The following RANBP2 variants were observed in gnomAD, a reference collection of about 807,000 sequenced individuals.
RANBP2 encodes RAN binding protein 2, also known as E3 SUMO-protein ligase RanBP2.
RANBP2 carries 57 observed loss-of-function variants against 303.6 expected under a neutral mutation model. The ratio of observed to expected loss-of-function variants is 0.19; its 90% CI spans 0.15 to 0.23. The LOEUF (loss-of-function observed/expected upper bound fraction) is 0.23. Ranked by LOEUF, RANBP2 falls within the 10% of genes least tolerant of loss-of-function variation. The pLI, the probability that RANBP2 is intolerant of heterozygous loss-of-function variation, is 1.00. For missense variants in RANBP2, 3,138 were observed against 3,780.8 expected, an observed-to-expected ratio of 0.83 and a Z score of 4.46; for synonymous variants, 1,167 against 1,301.5, an observed-to-expected ratio of 0.90 and a Z score of 2.23.
the RANBP2 span, among the ~76,000 whole-genome samples, chr2:109,137,328 G>A: frequency 6.6e-6 from 1 of 152,222 alleles, no homozygotes; most frequent in African/African-American, 2.4e-5. Context: ...GGGGAAAGAA[G>A]ATGATGAGGC....
chr2:109,593,882 C>T, the RANBP2 span, among the ~76,000 whole-genome samples: 1 of 152,150 alleles, frequency 6.6e-6, no homozygotes, highest in Non-Finnish European at 1.5e-5. Context: ...ATTTATAGAA[C>T]TCATATTACA....
the RANBP2 span, among the ~76,000 whole-genome samples, chr2:109,477,769 C>T: frequency 6.6e-6 from 1 of 152,188 alleles, no homozygotes; most frequent in African/African-American, 2.4e-5. Context: ...GGCGCCTTCT[C>T]ACCGTGTCCT....
At chr2:108,991,353 T>C in the RANBP2 span, among the ~76,000 whole-genome samples, 1 of 152,218 alleles carries the variant, frequency 6.6e-6, no homozygotes. Context: ...ATACATTTCC[T>C]AAGAGACTGA....
At chr2:109,514,503 T>C in the RANBP2 span, among the ~76,000 whole-genome samples, 1 of 152,166 alleles carries the variant, frequency 6.6e-6, no homozygotes, top group East Asian at 1.9e-4. Flanking sequence ...GGCACTTGGC[T>C]GTGTGTTGGA....
the RANBP2 span, among the ~76,000 whole-genome samples, chr2:108,924,297 C>T: frequency 5.3e-5 from 8 of 152,332 alleles, no homozygotes; most frequent in South Asian, 2.1e-4. Flanking sequence ...GCAGCCGTCC[C>T]GCTCCCAGGC....
intron 2 of RANBP2, among the ~76,000 whole-genome samples, chr2:108,730,501 AT>A (rs1356013946): frequency 6.6e-6 from 1 of 152,164 alleles, no homozygotes; most frequent in Non-Finnish European, 1.5e-5. Context: ...AGCAATTTAT[AT>A]GTTCATTTCT....
chr2:109,390,714 G>A, the RANBP2 span, among the ~76,000 whole-genome samples: 27 of 152,316 alleles, frequency 1.8e-4, no homozygotes, highest in Admixed American at 6.5e-4. Context: ...ATTGACAGCC[G>A]CAGGGCAGCT....
chr2:109,663,065 G>A, the RANBP2 span, among the ~76,000 whole-genome samples: 1 of 152,082 alleles, frequency 6.6e-6, no homozygotes, highest in African/African-American at 2.4e-5. Flanking sequence ...TCTCTCCTTG[G>A]CCTTGACTCC....
the RANBP2 span, among the ~76,000 whole-genome samples, chr2:109,297,705 C>T: frequency 6.6e-6 from 1 of 150,786 alleles, no homozygotes; most frequent in East Asian, 1.9e-4. Context: ...CCATTCTGCC[C>T]ATGCCCCCCA....
At chr2:109,048,307 C>T in the RANBP2 span, among the ~76,000 whole-genome samples, 12 of 152,280 alleles carry the variant, frequency 7.9e-5, no homozygotes, top group South Asian at 2.5e-3. Context: ...TAGCCTCAGA[C>T]TCTCTCCCAA....
chr2:108,799,253 A>G, the RANBP2 span, among the ~76,000 whole-genome samples: 2 of 152,354 alleles, frequency 1.3e-5, no homozygotes, highest in African/African-American at 4.8e-5. Context: ...ATTTTTGGCA[A>G]GGATATTGTA....
At chr2:109,004,097 T>C in the RANBP2 span, among the ~76,000 whole-genome samples, 1 of 152,228 alleles carries the variant, frequency 6.6e-6, no homozygotes, top group African/African-American at 2.4e-5. Context: ...AATGTTGACA[T>C]GTGCATATTT....
At chr2:108,791,437 T>C in the RANBP2 span, 3 of 493,582 alleles carry the variant, frequency 6.1e-6, no homozygotes, top group Admixed American at 3.1e-5. Context: ...CAGGTAGGTA[T>C]ATGTCATTTT....
intron 23 of RANBP2, among the ~76,000 whole-genome samples, chr2:108,773,667 G>C (rs1319425394): frequency 6.6e-6 from 1 of 150,558 alleles, no homozygotes; most frequent in Non-Finnish European, 1.5e-5. Context: ...TTTTGGGGGG[G>C]GATGGAGTTT....
At chr2:108,873,836 G>A in the RANBP2 span, among the ~76,000 whole-genome samples, 1 of 152,156 alleles carries the variant, frequency 6.6e-6, no homozygotes, top group African/African-American at 2.4e-5. Context: ...TGGGCCGCAT[G>A]CAGCCCATGG....
At chr2:108,945,210 C>T in the RANBP2 span, among the ~76,000 whole-genome samples, 1 of 152,074 alleles carries the variant, frequency 6.6e-6, no homozygotes, top group African/African-American at 2.4e-5. Context: ...GCGAGCTCCC[C>T]GTCCTGGGGC....
At chr2:109,539,672 G>A in the RANBP2 span, among the ~76,000 whole-genome samples, 2 of 152,134 alleles carry the variant, frequency 1.3e-5, no homozygotes, top group Non-Finnish European at 1.5e-5. Context: ...TTGAACACCC[G>A]ACCTCAGGTG....
the RANBP2 span, among the ~76,000 whole-genome samples, chr2:109,157,558 A>G: frequency 6.6e-6 from 1 of 152,298 alleles, no homozygotes; most frequent in South Asian, 2.1e-4. Flanking sequence ...GAGGAAAAAG[A>G]TTTCCTTGGT....
chr2:109,421,290 T>C, the RANBP2 span, among the ~76,000 whole-genome samples: 1 of 152,262 alleles, frequency 6.6e-6, no homozygotes, highest in African/African-American at 2.4e-5. Context: ...CAGATGTGTT[T>C]GTTTTGGAGT....
Sources: allele counts gnomAD v4.1 joint callset (sites outside exome capture counted in the v4.1 genomes callset), GRCh38; gene constraint gnomAD v4.1.1; transcripts MANE v1.5; gene names NCBI Gene and HGNC (gene_info 2026-07-23, HGNC 2026-07-21).